Variants in COL18A1 observed in about 807,000 individuals in gnomAD.
COL18A1 encodes the protein collagen alpha-1(XVIII) chain.
In COL18A1, 133 loss-of-function variants were observed where a neutral mutation model predicts 168.0. That is an observed-to-expected ratio of 0.79 (90% CI 0.69 to 0.91). The LOEUF (loss-of-function observed/expected upper bound fraction) is 0.91. Ranked by LOEUF, COL18A1 falls within the 40% of genes least tolerant of loss-of-function variation. COL18A1 has a pLI of 0.00. For synonymous variants in COL18A1, 949 were observed against 809.0 expected (o/e 1.17, Z -2.94); for missense variants, 2,126 against 1,925.4 (o/e 1.10, Z -1.95).
In COL18A1 at chr21:45,498,627, G is replaced by A. The variant is rs2036632524; in HGVS notation, c.2683+966G>A. 2 of 704,200 alleles carry A rather than the reference G, an allele frequency of 2.8e-6. No homozygotes were observed. The highest frequency in any genetic ancestry group is 5.3e-6 in the Non-Finnish European group (2 of 375,962). The allele number at this position is 704,200 out of a possible 1,614,324, so 43.6% of individuals were successfully genotyped here. On this transcript the variant is annotated intron_variant, in intron 32 of 41. Coordinates refer to ENST00000651438, the MANE Select transcript of COL18A1 (RefSeq NM_001379500.1). The surrounding 1 kb of genome is among the most constrained non-coding windows in gnomAD (Gnocchi z 4.5). ...ATCCTTAAGGCCTGTGGAGGCAAAG[G>A]CAGGCAGAAAGCAAGCGGGAAGATG...
Position 45,423,976 on chromosome 21 carries a change from T to G in COL18A1, c.106+18503T>G, listed in dbSNP as rs1170189867. On this transcript the variant is annotated intron_variant, in intron 2 of 41. Coordinates refer to ENST00000651438, the MANE Select transcript of COL18A1 (RefSeq NM_001379500.1). The surrounding 1 kb of genome is among the most constrained non-coding windows in gnomAD (Gnocchi z 4.0). ...GCAGCTGCCTCCCAGTGAATTCTGA[T>G]GCACAGACAGGGGCCTGTCCTGCCA... The G allele has an allele frequency of 3.3e-5, 5 of 152,296 alleles. No homozygotes were observed. Among genetic ancestry groups the G allele is most frequent in the Admixed American group, 2.6e-4 (4 of 15,286 alleles). 9.4% of individuals were successfully genotyped at this position (152,296 alleles called of 1,614,324 possible). A position where few individuals can be genotyped will look rare whatever the true frequency, so the allele number is the denominator to read the frequency against.
intron 2 of COL18A1, among the ~76,000 whole-genome samples, chr21:45,452,470 T>G (rs2034643890): frequency 6.6e-6 from 1 of 151,122 alleles, no homozygotes; most frequent in South Asian, 2.1e-4. Context: ...TGAGCATATA[T>G]GTACGTGTGT....
intron 30 of COL18A1, among the ~76,000 whole-genome samples, 168 bp from the exon 31 acceptor site, chr21:45,496,882 C>T (rs994845330): frequency 2.6e-5 from 4 of 152,314 alleles, no homozygotes; most frequent in East Asian, 1.9e-4. Flanking sequence ...GGCGTCAGGC[C>T]GTGGCTCCTG....
At chr21:45,468,118 G>A (rs1470799319) in intron 2 of COL18A1, 124 bp from the exon 3 acceptor site, 24 of 1,042,160 alleles carry the variant, frequency 2.3e-5, no homozygotes, top group African/African-American at 3.2e-5. Context: ...TGCCAGGCAC[G>A]TGGAGAGCCC....
chr21:45,484,796 G>A (rs536612351), intron 15 of COL18A1, among the ~76,000 whole-genome samples: 7 of 152,256 alleles, frequency 4.6e-5, no homozygotes, highest in South Asian at 4.1e-4. Context: ...GTGCATACAC[G>A]TACACATGTA....
rs753623187 is a variant in COL18A1, at chr21:45,481,930, C to T, written c.1612-33C>T. The T allele has an allele frequency of 7.9e-6, 12 of 1,521,178 alleles. 1 individual carries two copies. In the South Asian group the frequency reaches 1.0e-4, roughly 13 times the overall value. The allele number at this position is 1,521,178 out of a possible 1,614,324, so 94.2% of individuals were successfully genotyped here. On this transcript the variant is annotated intron_variant, in intron 13 of 41. Transcript: ENST00000651438. ...AGAAATCGTTTTAGTGGCCGAATGCCATCAAGACCCACTATGCTCTGCTCT... is the reference window on the plus strand; with the variant it reads ...AGAAATCGTTTTAGTGGCCGAATGCTATCAAGACCCACTATGCTCTGCTCT...
At chr21:45,437,566 ACAGGCACTCTCCTGTACACACACACACT>A (rs2034187472) in intron 2 of COL18A1, among the ~76,000 whole-genome samples, 1 of 89,350 alleles carries the variant, frequency 1.1e-5, no homozygotes, top group Non-Finnish European at 2.0e-5. Flanking sequence ...ACACACAGAC[ACAGGCACTCTCCTGTACACACACACACT>A]CACACACTCA....
At chr21:45,448,421 G>A (rs1236279112) in intron 2 of COL18A1, among the ~76,000 whole-genome samples, 1 of 152,208 alleles carries the variant, frequency 6.6e-6, no homozygotes, top group Non-Finnish European at 1.5e-5. Flanking sequence ...ACATACCCAT[G>A]CACACATTCA....
At chr21:45,479,092 GTGA>G (rs1291967565) in intron 9 of COL18A1, among the ~76,000 whole-genome samples, 4 of 151,936 alleles carry the variant, frequency 2.6e-5, no homozygotes, top group African/African-American at 7.3e-5. Flanking sequence ...TGAGTGTGGG[GTGA>G]TGATCCACGG....
At chr21:45,450,666 C>A (rs995381287) in intron 2 of COL18A1, among the ~76,000 whole-genome samples, 2 of 152,206 alleles carry the variant, frequency 1.3e-5, no homozygotes, top group African/African-American at 2.4e-5. Flanking sequence ...AGGGTGGAAC[C>A]TTCCCGAAGA....
chr21:45,488,762 C>G (rs895585974), intron 18 of COL18A1, among the ~76,000 whole-genome samples: 1 of 152,132 alleles, frequency 6.6e-6, no homozygotes, highest in Non-Finnish European at 1.5e-5. Flanking sequence ...GGGAAGAACT[C>G]AGGGTCCCCA....
intron 14 of COL18A1, chr21:45,482,328 C>T (rs1002928431): frequency 5.8e-6 from 4 of 687,940 alleles, no homozygotes; most frequent in African/African-American, 1.7e-5. Flanking sequence ...CCATGAGCCT[C>T]TGTCGGACTG....
intron 2 of COL18A1, among the ~76,000 whole-genome samples, chr21:45,434,135 C>G (rs2034037521): frequency 1.2e-5 from 1 of 86,292 alleles, no homozygotes; most frequent in Non-Finnish European, 2.2e-5. Flanking sequence ...ACTTCCTGTG[C>G]AAGCCTGTGC....
At chr21:45,495,159 A>T in intron 28 of COL18A1, 199 bp from the exon 29 acceptor site, 1 of 656,182 alleles carries the variant, frequency 1.5e-6, no homozygotes, top group Non-Finnish European at 2.7e-6. Context: ...TGTGTGTGCT[A>T]GGCTCAGTCA....
chr21:45,428,328 G>T (rs1250582462), intron 2 of COL18A1, among the ~76,000 whole-genome samples: 1 of 152,182 alleles, frequency 6.6e-6, no homozygotes, highest in Non-Finnish European at 1.5e-5. Context: ...GGCGTGCAGG[G>T]GTGACCAGCC....
At chr21:45,469,724 C>T (rs1261356793) in intron 3 of COL18A1, among the ~76,000 whole-genome samples, 2 of 152,236 alleles carry the variant, frequency 1.3e-5, no homozygotes, top group African/African-American at 2.4e-5. Context: ...CAGCTGGACG[C>T]CCCTGCCCTG....
chr21:45,445,888 C>G (rs1466307018), intron 2 of COL18A1, among the ~76,000 whole-genome samples: 3 of 152,210 alleles, frequency 2.0e-5, no homozygotes, highest in Middle Eastern at 3.2e-3. Context: ...TTCTCCCATT[C>G]TGTGAGATGT....
At chr21:45,509,285 G>A in intron 38 of COL18A1, 71 bp from the exon 39 acceptor site, 5 of 1,530,014 alleles carry the variant, frequency 3.3e-6, no homozygotes, top group Non-Finnish European at 4.4e-6. Flanking sequence ...CCAGCCCAGA[G>A]GAGGACACAG....
At chr21:45,460,902 A>G (rs1357891595) in intron 2 of COL18A1, among the ~76,000 whole-genome samples, 2 of 152,198 alleles carry the variant, frequency 1.3e-5, no homozygotes, top group Non-Finnish European at 2.9e-5. Context: ...CTGTGGGTAC[A>G]AGATCTTGTG....
Sources: allele counts gnomAD v4.1 joint callset (sites outside exome capture counted in the v4.1 genomes callset), GRCh38; gene constraint gnomAD v4.1.1; non-coding constraint Gnocchi (gnomAD v3.1); transcripts MANE v1.5; gene names NCBI Gene and HGNC (gene_info 2026-07-23, HGNC 2026-07-21).